The following PLPP1 variants were observed in gnomAD, a reference collection of about 807,000 sequenced individuals.
The protein encoded by PLPP1 is phospholipid phosphatase 1.
In PLPP1, 24 loss-of-function variants were observed where a neutral mutation model predicts 31.2. The ratio of observed to expected loss-of-function variants is 0.77; its 90% CI spans 0.56 to 1.08. The LOEUF is 1.08. Ranked by LOEUF, PLPP1 falls within the 50% of genes least tolerant of loss-of-function variation. PLPP1 has a pLI of 0.00. For missense variants in PLPP1, 319 were observed against 342.7 expected (o/e 0.93, Z 0.55); for synonymous variants, 146 against 126.3 (o/e 1.16, Z -1.05).
intron 3 of PLPP1, among the ~76,000 whole-genome samples, chr5:55,457,875 C>A (rs1368005670): frequency 1.5e-5 from 2 of 132,722 alleles, no homozygotes; most frequent in South Asian, 5.4e-4. Context: ...GGTGACACAG[C>A]GAGACTCTGT....
chr5:55,526,363 G>A (rs1740433934), intron 1 of PLPP1, among the ~76,000 whole-genome samples: 1 of 152,044 alleles, frequency 6.6e-6, no homozygotes, highest in African/African-American at 2.4e-5. Context: ...GTAAATTTAA[G>A]CTAAAACTCA....
chr5:55,507,392 C>T (rs1274410108), intron 1 of PLPP1, among the ~76,000 whole-genome samples: 3 of 151,796 alleles, frequency 2.0e-5, no homozygotes, highest in Non-Finnish European at 4.4e-5. Context: ...TAAGATTGCT[C>T]GGAAAAAGTG....
At chr5:55,486,912 C>CAA (rs1047753776) in intron 1 of PLPP1, among the ~76,000 whole-genome samples, 3 of 138,908 alleles carry the variant, frequency 2.2e-5, no homozygotes, top group African/African-American at 7.9e-5. Flanking sequence ...GACTCCACCT[C>CAA]AAAAAAAAAA....
rs111657740 is a variant in PLPP1 at position 55,506,055 on chromosome 5, T to TCAAAA, written c.58+28512_58+28516dup. On this transcript the variant is annotated intron_variant, in intron 1 of 5. Coordinates refer to ENST00000307259, the MANE Select transcript of PLPP1 (RefSeq NM_003711.4). Reference sequence around the variant, plus strand: ...GTAGGCAACAGAGCAAGACTCTGTCTCAAAACAAAACAAAACAAAACAAAA... The same window carrying TCAAAA: ...GTAGGCAACAGAGCAAGACTCTGTCTCAAAACAAAACAAAACAAAACAAAACAAAA... Among the ~76,000 whole-genome samples, 462 of 151,836 alleles carry TCAAAA rather than the reference T, an allele frequency of 3.0e-3. 2 individuals carry two copies. Among genetic ancestry groups the TCAAAA allele is most frequent in the African/African-American group, 6.8e-3 (282 of 41,358 alleles).
At chr5:55,436,875 C>A (rs1751504303) in intron 4 of PLPP1, among the ~76,000 whole-genome samples, 1 of 152,194 alleles carries the variant, frequency 6.6e-6, no homozygotes, top group Non-Finnish European at 1.5e-5. Flanking sequence ...GAATGCCTAA[C>A]CCCCACAAGG....
At chr5:55,490,995 G>C in intron 1 of PLPP1, 2 of 1,613,088 alleles carry the variant, frequency 1.2e-6, no homozygotes, top group South Asian at 1.1e-5. Context: ...ACTAGGATGA[G>C]GACAGTGGAT....
chr5:55,497,922 AT>A (rs1753037672), intron 1 of PLPP1, among the ~76,000 whole-genome samples: 1 of 152,120 alleles, frequency 6.6e-6, no homozygotes, highest in Non-Finnish European at 1.5e-5. Context: ...TGCCAGTGCT[AT>A]CCATTGTCCA....
At chr5:55,441,751 G>T in intron 4 of PLPP1, 100 bp downstream of exon 4, 2 of 1,237,000 alleles carry the variant, frequency 1.6e-6, no homozygotes, top group Non-Finnish European at 2.4e-6. Context: ...TTCACCTTTT[G>T]CTACTGGCTA....
chr5:55,475,208 G>T, intron 2 of PLPP1, 91 bp downstream of exon 2: 2 of 1,123,056 alleles, frequency 1.8e-6, no homozygotes, highest in Non-Finnish European at 2.5e-6. Context: ...CATTGTTTTT[G>T]GAGGATTACA....
chr5:55,493,395 C>T (rs1250317359), intron 1 of PLPP1, among the ~76,000 whole-genome samples: 3 of 151,486 alleles, frequency 2.0e-5, no homozygotes, highest in Admixed American at 6.6e-5. Context: ...CTGAATTCTG[C>T]AATTCTATGG....
At chr5:55,443,192 A>AAAAAAATATATATATAT in intron 3 of PLPP1, among the ~76,000 whole-genome samples, 34 of 25,416 alleles carry the variant, frequency 1.3e-3, no homozygotes, top group Admixed American at 2.3e-3. Context: ...AAAAAAAAAA[A>AAAAAAATATATATATAT]ATATATATAT....
At chr5:55,443,605 G>A in intron 3 of PLPP1, among the ~76,000 whole-genome samples, 1 of 152,148 alleles carries the variant, frequency 6.6e-6, no homozygotes, top group East Asian at 1.9e-4. Flanking sequence ...AGCAAGTGAG[G>A]TCTCACTAAA....
intron 1 of PLPP1, among the ~76,000 whole-genome samples, chr5:55,497,129 A>G (rs1350755019): frequency 6.6e-6 from 1 of 152,206 alleles, no homozygotes; most frequent in Non-Finnish European, 1.5e-5. Context: ...GGAAACTCAG[A>G]TGTCCATCCC....
At chr5:55,430,667 T>C (rs1419676889) in intron 4 of PLPP1, among the ~76,000 whole-genome samples, 3 of 152,132 alleles carry the variant, frequency 2.0e-5, no homozygotes, top group Admixed American at 2.0e-4. Context: ...GAAATACGGA[T>C]TCAAGAAACA....
At chr5:55,532,935 G>A (rs1358067629) in intron 1 of PLPP1, among the ~76,000 whole-genome samples, 3 of 140,946 alleles carry the variant, frequency 2.1e-5, no homozygotes, top group Non-Finnish European at 3.0e-5. Context: ...CAGCCTGGGC[G>A]ACAGAGCAAG....
chr5:55,487,497 C>G (rs1187703932), intron 1 of PLPP1, among the ~76,000 whole-genome samples: 1 of 151,156 alleles, frequency 6.6e-6, no homozygotes, highest in Non-Finnish European at 1.5e-5. Flanking sequence ...AATATGGCAC[C>G]TTTTTGGATA....
chr5:55,476,196 T>C (rs368122264), intron 1 of PLPP1, among the ~76,000 whole-genome samples: 112 of 151,978 alleles, frequency 7.4e-4, no homozygotes, highest in African/African-American at 2.6e-3. Context: ...GTTTGTTTTT[T>C]AGTAGAGACG....
At chr5:55,426,721 A>G (rs183181566) in intron 4 of PLPP1, among the ~76,000 whole-genome samples, 21 of 152,186 alleles carry the variant, frequency 1.4e-4, no homozygotes, top group Admixed American at 1.3e-3. Context: ...TATCGTGGTT[A>G]GTTCTGAGTC....
intron 1 of PLPP1, chr5:55,491,035 G>A: frequency 6.2e-7 from 1 of 1,613,558 alleles, no homozygotes; most frequent in Non-Finnish European, 8.5e-7. Flanking sequence ...ACGGATAGTT[G>A]ATGCTGTTGT....
Sources: allele counts gnomAD v4.1 joint callset (sites outside exome capture counted in the v4.1 genomes callset), GRCh38; gene constraint gnomAD v4.1.1; transcripts MANE v1.5; gene names NCBI Gene and HGNC (gene_info 2026-07-23, HGNC 2026-07-21).